Variants in ELMO1 observed in about 807,000 individuals in gnomAD.
ELMO1 encodes engulfment and cell motility protein 1.
Under a neutral mutation model 98.9 loss-of-function variants are expected in ELMO1, and 26 were observed. The ratio of observed to expected loss-of-function variants is 0.26; its 90% CI spans 0.19 to 0.36. The LOEUF is 0.36. Ranked by LOEUF, ELMO1 falls within the 10% of genes least tolerant of loss-of-function variation. The pLI, the probability that ELMO1 is intolerant of heterozygous loss-of-function variation, is 1.00. For missense variants in ELMO1, 627 were observed against 935.2 expected, an observed-to-expected ratio of 0.67 and a Z score of 4.30; for synonymous variants, 346 against 346.0, an observed-to-expected ratio of 1.00 and a Z score of 0.00.
At chr7:37,140,583 A>C (rs984580727) in intron 13 of ELMO1, among the ~76,000 whole-genome samples, 2 of 152,234 alleles carry the variant, frequency 1.3e-5, no homozygotes, top group African/African-American at 4.8e-5. Context: ...AATAATCAGC[A>C]GAGTTAACAG....
rs558422970 is a variant in ELMO1, at chr7:36,863,403, C to A, written c.1906-1667G>T. Among the ~76,000 whole-genome samples the A allele has an allele frequency of 7.2e-5, 11 of 152,130 alleles. No homozygotes were observed. The South Asian group carries it at 2.3e-3, about 32-fold the overall frequency. On this transcript the variant is annotated intron_variant, in intron 20 of 21. Transcript: ENST00000310758. ...TTTTAATTTACAATTAAAATAGTCA[C>A]AGACTTACTATTAGTACTATAAATT...
chr7:37,048,245 A>G (rs113072219), intron 15 of ELMO1, among the ~76,000 whole-genome samples: 1 of 152,240 alleles, frequency 6.6e-6, no homozygotes, highest in Non-Finnish European at 1.5e-5. Flanking sequence ...GTGTCTCCAG[A>G]CACTGCCAAA....
intron 13 of ELMO1, among the ~76,000 whole-genome samples, chr7:37,172,174 C>T (rs1423982469): frequency 1.3e-5 from 2 of 152,060 alleles, no homozygotes; most frequent in Non-Finnish European, 2.9e-5. Context: ...AAAAGCAATT[C>T]CATATGGAGA....
chr7:37,240,315 A>C (rs1794698066), intron 7 of ELMO1, among the ~76,000 whole-genome samples: 1 of 152,168 alleles, frequency 6.6e-6, no homozygotes, highest in Non-Finnish European at 1.5e-5. Flanking sequence ...CTAAAACATT[A>C]AATTTATTAA....
chr7:37,095,609 G>A (rs1199231483), intron 15 of ELMO1, among the ~76,000 whole-genome samples: 1 of 152,114 alleles, frequency 6.6e-6, no homozygotes, highest in East Asian at 1.9e-4. Flanking sequence ...TGGCCAACCA[G>A]GCTCAATTTC....
chr7:36,992,385 C>A (rs553296046), intron 16 of ELMO1, among the ~76,000 whole-genome samples: 2 of 152,192 alleles, frequency 1.3e-5, no homozygotes, highest in African/African-American at 4.8e-5. Flanking sequence ...TCTGATCATG[C>A]TGAAAGCCTT....
intron 1 of ELMO1, among the ~76,000 whole-genome samples, chr7:37,435,806 A>G (rs942451325): frequency 9.8e-5 from 15 of 152,292 alleles, no homozygotes; most frequent in South Asian, 8.3e-4. Flanking sequence ...AGGAATCTCT[A>G]TTACACGCTC....
At chr7:37,364,422 G>A (rs958856627) in intron 1 of ELMO1, among the ~76,000 whole-genome samples, 2 of 152,188 alleles carry the variant, frequency 1.3e-5, no homozygotes, top group Non-Finnish European at 2.9e-5. Context: ...ATCTCCTGAA[G>A]AGTTTTATTC....
At chr7:37,074,164 T>C (rs1346167078) in intron 15 of ELMO1, among the ~76,000 whole-genome samples, 1 of 148,246 alleles carries the variant, frequency 6.7e-6, no homozygotes, top group African/African-American at 2.4e-5. Context: ...TTTATGTATA[T>C]ATGTAAATAC....
At chr7:37,022,867 T>C (rs1416012760) in intron 15 of ELMO1, among the ~76,000 whole-genome samples, 1 of 152,200 alleles carries the variant, frequency 6.6e-6, no homozygotes, top group Non-Finnish European at 1.5e-5. Context: ...AAATTATGGT[T>C]TATTCATACA....
chr7:37,247,384 T>C (rs1795071285), intron 6 of ELMO1, among the ~76,000 whole-genome samples: 1 of 152,150 alleles, frequency 6.6e-6, no homozygotes, highest in Non-Finnish European at 1.5e-5. Context: ...GCTACTAGAT[T>C]AAACTGGTCT....
chr7:37,133,157 G>C lies in ELMO1; in HGVS notation c.1164C>G (p.Ala388=), dbSNP rs781714325. The stretch of plus-strand genomic sequence containing the variant: ...GGATGTAGGCATCTTGGTGGTGCTT[G>C]GCAAAGTACAGCATGTTGTCCAGAG... The part of the protein sequence containing the change: ...MLALDNMLYF[A]KHHQDAYIRI... The change falls in exon 14 of 22, where the codon GCC becomes GCG. Residue 388 remains alanine (A), a synonymous_variant. Transcript: ENST00000310758. 6.2e-7 allele frequency: 1 copy of C among 1,611,662 alleles called. No homozygotes were observed. The highest frequency in any genetic ancestry group is 1.1e-5 in the South Asian group (1 of 90,592).
At chr7:37,112,262 G>T (rs749739774) in intron 14 of ELMO1, among the ~76,000 whole-genome samples, 1 of 152,068 alleles carries the variant, frequency 6.6e-6, no homozygotes, top group African/African-American at 2.4e-5. Flanking sequence ...TAAAACATAC[G>T]ATTATATAAT....
intron 16 of ELMO1, among the ~76,000 whole-genome samples, chr7:36,956,680 T>C (rs1336485858): frequency 6.6e-6 from 1 of 152,230 alleles, no homozygotes; most frequent in African/African-American, 2.4e-5. Context: ...CAAAGCTTCT[T>C]AGCAGTTGTG....
At chr7:37,120,815 A>T (rs1785964586) in intron 14 of ELMO1, among the ~76,000 whole-genome samples, 2 of 152,202 alleles carry the variant, frequency 1.3e-5, no homozygotes, top group Non-Finnish European at 2.9e-5. Flanking sequence ...CTGAGAATGG[A>T]CAGACTGCCT....
chr7:37,229,504 A>G, intron 8 of ELMO1, among the ~76,000 whole-genome samples: 1 of 152,154 alleles, frequency 6.6e-6, no homozygotes, highest in Non-Finnish European at 1.5e-5. Context: ...GCTGGCAGGG[A>G]AAAAAAATAT....
intron 7 of ELMO1, among the ~76,000 whole-genome samples, chr7:37,235,654 C>T (rs979940086): frequency 6.6e-6 from 1 of 152,234 alleles, no homozygotes; most frequent in African/African-American, 2.4e-5. Context: ...AACTATTAGC[C>T]TAGTGCCGTG....
chr7:37,386,207 G>C (rs939898970), intron 1 of ELMO1, among the ~76,000 whole-genome samples: 3 of 152,216 alleles, frequency 2.0e-5, no homozygotes, highest in African/African-American at 7.2e-5. Context: ...CAGCCAGAAA[G>C]TCGCCTTGGA....
chr7:37,322,599 C>T lies in ELMO1; in HGVS notation c.79-6639G>A, dbSNP rs555813460. On this transcript the variant is annotated intron_variant, in intron 2 of 21. Coordinates refer to ENST00000310758, the MANE Select transcript of ELMO1 (RefSeq NM_014800.11). ...CCGCGCTACTGCACTCCAGCCTGGGCGACAACAGTAAAACTCTCTCTCCAA... is the reference window on the plus strand; with the variant it reads ...CCGCGCTACTGCACTCCAGCCTGGGTGACAACAGTAAAACTCTCTCTCCAA... Among the ~76,000 whole-genome samples, 64 of 146,978 alleles carry T rather than the reference C, an allele frequency of 4.4e-4. No homozygotes were observed. The South Asian group carries it at 7.8e-3, about 18-fold the overall frequency.
Sources: gnomAD v4.1 joint callset for allele counts (sites outside exome capture counted in the v4.1 genomes callset) on GRCh38, gnomAD v4.1.1 for gene constraint, MANE v1.5 for transcripts, NCBI Gene and HGNC (gene_info 2026-07-23, HGNC 2026-07-21) for gene names.